The following BBX variants were observed in gnomAD, a reference collection of about 807,000 sequenced individuals.
BBX encodes the protein HMG box transcription factor BBX.
A neutral mutation model predicts 100.2 loss-of-function variants in BBX; 30 were observed. The observed-to-expected ratio is 0.30, with a 90% CI of 0.22 to 0.41. The LOEUF (loss-of-function observed/expected upper bound fraction) is 0.41, where lower values mean the gene tolerates loss of function less well. Among genes scored for constraint, BBX ranks in the 10% least tolerant of loss-of-function variants. BBX has a pLI of 1.00. For synonymous variants in BBX, 376 were observed against 388.1 expected (o/e 0.97, Z 0.37); for missense variants, 1,023 against 1,129.8 (o/e 0.91, Z 1.35).
chr3:107,568,368 C>T (rs2051086059), intron 2 of BBX, among the ~76,000 whole-genome samples: 1 of 151,642 alleles, frequency 6.6e-6, no homozygotes, highest in Non-Finnish European at 1.5e-5. Context: ...AGATTCACGC[C>T]ATTCTCCTGC....
intron 17 of BBX, among the ~76,000 whole-genome samples, chr3:107,801,737 G>A (rs1186137097): frequency 6.6e-6 from 1 of 152,116 alleles, no homozygotes; most frequent in Non-Finnish European, 1.5e-5. Context: ...TAGCATCCCA[G>A]TGCTGGTGTG....
chr3:107,715,419 A>G (rs2062033334), intron 4 of BBX, among the ~76,000 whole-genome samples: 1 of 152,222 alleles, frequency 6.6e-6, no homozygotes, highest in Non-Finnish European at 1.5e-5. Flanking sequence ...CAAGTTGAGT[A>G]TCCCTAATCC....
At chr3:107,733,584 C>T (rs1006241599) in intron 7 of BBX, among the ~76,000 whole-genome samples, 22 of 152,118 alleles carry the variant, frequency 1.4e-4, no homozygotes, top group East Asian at 1.9e-4. Flanking sequence ...TCAGGTGATT[C>T]TCTCACCTCA....
At chr3:107,610,047 G>A (rs2054728200) in intron 2 of BBX, among the ~76,000 whole-genome samples, 1 of 151,832 alleles carries the variant, frequency 6.6e-6, no homozygotes, top group Non-Finnish European at 1.5e-5. Context: ...GCATCCCATA[G>A]GTTTTGGTAT....
intron 6 of BBX, among the ~76,000 whole-genome samples, chr3:107,729,937 A>T (rs2063203776): frequency 6.6e-6 from 1 of 152,138 alleles, no homozygotes; most frequent in African/African-American, 2.4e-5. Flanking sequence ...TATTATTTTA[A>T]TCAGTCCTGT....
At chr3:107,780,468 G>A (rs2067760570) in intron 13 of BBX, among the ~76,000 whole-genome samples, 1 of 151,948 alleles carries the variant, frequency 6.6e-6, no homozygotes, top group Non-Finnish European at 1.5e-5. Context: ...GAGATTAACA[G>A]TATTTCTTTT....
intron 10 of BBX, among the ~76,000 whole-genome samples, chr3:107,767,487 G>A (rs545391240): frequency 6.6e-6 from 1 of 152,170 alleles, no homozygotes; most frequent in Non-Finnish European, 1.5e-5. Flanking sequence ...ACAAGACCTT[G>A]CAAATTGGGT....
At chr3:107,726,823 A>T (rs184182966) in intron 5 of BBX, among the ~76,000 whole-genome samples, 5 of 152,158 alleles carry the variant, frequency 3.3e-5, no homozygotes, top group Admixed American at 1.3e-4. Flanking sequence ...TCTCTCCCCA[A>T]TGTCTGGCAA....
At chr3:107,697,214 C>A (rs756749165) in intron 3 of BBX, among the ~76,000 whole-genome samples, 1 of 151,908 alleles carries the variant, frequency 6.6e-6, no homozygotes, top group Non-Finnish European at 1.5e-5. Context: ...AGTCATTCTC[C>A]GTCCAGCTTT....
chr3:107,735,888 A>G (rs955790950), intron 7 of BBX, among the ~76,000 whole-genome samples: 2 of 151,922 alleles, frequency 1.3e-5, no homozygotes, highest in Non-Finnish European at 2.9e-5. Flanking sequence ...ATGTGCCTCT[A>G]TTACTAAGCC....
chr3:107,622,356 T>C (rs982902831), intron 2 of BBX, among the ~76,000 whole-genome samples: 2 of 152,228 alleles, frequency 1.3e-5, no homozygotes, highest in Non-Finnish European at 2.9e-5. Flanking sequence ...TGTTTCTACT[T>C]TATAGTAATT....
At chr3:107,674,327 T>G (rs899880343) in intron 3 of BBX, among the ~76,000 whole-genome samples, 2 of 152,130 alleles carry the variant, frequency 1.3e-5, no homozygotes, top group Non-Finnish European at 2.9e-5. Flanking sequence ...ATTGTAGGAT[T>G]CCTAAGTCAT....
chr3:107,649,951 A>T (rs1450926346), intron 3 of BBX, among the ~76,000 whole-genome samples: 1 of 152,222 alleles, frequency 6.6e-6, no homozygotes, highest in Non-Finnish European at 1.5e-5. Flanking sequence ...GGTCAGCATT[A>T]AGTTGCAAAA....
intron 5 of BBX, among the ~76,000 whole-genome samples, chr3:107,717,774 G>C (rs947733377): frequency 6.6e-6 from 1 of 152,106 alleles, no homozygotes; most frequent in Non-Finnish European, 1.5e-5. Context: ...TAAATGTATT[G>C]TGATGGATTT....
intron 2 of BBX, among the ~76,000 whole-genome samples, chr3:107,544,381 T>C (rs1402097839): frequency 2.6e-5 from 4 of 152,330 alleles, no homozygotes; most frequent in Middle Eastern, 3.4e-3. Context: ...CTGATGTGAA[T>C]GGCATCTCTT....
intron 9 of BBX, among the ~76,000 whole-genome samples, chr3:107,748,883 A>T (rs867650172): frequency 2.0e-4 from 30 of 152,112 alleles, no homozygotes; most frequent in African/African-American, 7.0e-4. Flanking sequence ...AATCACTTTG[A>T]TTCATTTGAA....
chr3:107,706,257 G>A (rs1378235021), intron 3 of BBX, among the ~76,000 whole-genome samples: 2 of 151,986 alleles, frequency 1.3e-5, no homozygotes, highest in South Asian at 2.1e-4. Context: ...TCTTAACCTC[G>A]TGATCCACCC....
chr3:107,798,124 A>G (rs1380235994), intron 15 of BBX, among the ~76,000 whole-genome samples: 7 of 152,200 alleles, frequency 4.6e-5, no homozygotes, highest in African/African-American at 1.7e-4. Flanking sequence ...GTGTCCTCTG[A>G]AGAAATTTCT....
intron 4 of BBX, among the ~76,000 whole-genome samples, chr3:107,714,598 C>T (rs2061971422): frequency 1.3e-5 from 2 of 151,936 alleles, no homozygotes; most frequent in South Asian, 2.1e-4. Flanking sequence ...AAATAAAACT[C>T]GCTTGAAAAA....
Sources: gnomAD v4.1 joint callset for allele counts (sites outside exome capture counted in the v4.1 genomes callset) on GRCh38, gnomAD v4.1.1 for gene constraint, MANE v1.5 for transcripts, NCBI Gene and HGNC (gene_info 2026-07-23, HGNC 2026-07-21) for gene names.